Variants in SERGEF observed in about 807,000 individuals in gnomAD.
SERGEF encodes the protein secretion-regulating guanine nucleotide exchange factor.
SERGEF carries 51 observed loss-of-function variants against 50.0 expected under a neutral mutation model. The ratio of observed to expected loss-of-function variants is 1.02; its 90% CI spans 0.81 to 1.29. The LOEUF (loss-of-function observed/expected upper bound fraction) is 1.29, where lower values mean the gene tolerates loss of function less well. Among genes scored for constraint, SERGEF ranks in the 50% most tolerant of loss-of-function variants. The probability of loss-of-function intolerance (pLI) is 0.00; values close to 1 mark genes in which losing one functional copy is unlikely to be tolerated. For synonymous variants in SERGEF, 205 were observed against 212.4 expected (o/e 0.97, Z 0.30); for missense variants, 521 against 557.0 (o/e 0.94, Z 0.65).
At chr11:17,839,350 T>C (rs1437014103) in intron 10 of SERGEF, among the ~76,000 whole-genome samples, 1 of 152,222 alleles carries the variant, frequency 6.6e-6, no homozygotes, top group Admixed American at 6.5e-5. Flanking sequence ...TTTAGGATTT[T>C]ATCCAACACA....
Position 17,844,376 on chromosome 11 carries a change from TAGA to T in SERGEF, c.1048+33829_1048+33831del, listed in dbSNP as rs1328714495. On this transcript the variant is annotated intron_variant, in intron 10 of 10. Transcript: ENST00000265965. ...AAGCTTGGAAAATAACAAATCAATT[TAGA>T]AGACTAAAATTATCCATGGATACAC... Among the ~76,000 whole-genome samples, 3 of 152,282 alleles carry T rather than the reference TAGA, an allele frequency of 2.0e-5. No individual in the cohort carries two copies. In the East Asian group the frequency reaches 5.8e-4, roughly 29 times the overall value.
intron 10 of SERGEF, among the ~76,000 whole-genome samples, chr11:17,851,203 G>A (rs554076237): frequency 2.6e-5 from 4 of 152,124 alleles, no homozygotes; most frequent in Non-Finnish European, 4.4e-5. Flanking sequence ...CCTGTGAGAC[G>A]GGTGCTATTA....
intron 4 of SERGEF, chr11:18,001,961 C>T (rs1424880612): frequency 1.5e-5 from 7 of 456,096 alleles, no homozygotes; most frequent in Non-Finnish European, 3.1e-5. Flanking sequence ...TGCCCAGGGC[C>T]TAAGCACCAA....
At chr11:17,883,187 G>T (rs1851368148) in intron 9 of SERGEF, among the ~76,000 whole-genome samples, 1 of 152,232 alleles carries the variant, frequency 6.6e-6, no homozygotes, top group Admixed American at 6.5e-5. Flanking sequence ...ATCAGTTCTT[G>T]CAAGGCCAGT....
intron 8 of SERGEF, among the ~76,000 whole-genome samples, chr11:17,967,880 T>C (rs541555885): frequency 1.3e-5 from 2 of 152,356 alleles, no homozygotes; most frequent in Admixed American, 6.5e-5. Context: ...CCTGCAATGC[T>C]GGTCAGCCTG....
chr11:17,939,592 C>T (rs1371666079), intron 9 of SERGEF: 1 of 152,232 alleles, frequency 6.6e-6, no homozygotes, highest in African/African-American at 2.4e-5. Context: ...CACCTCACTG[C>T]ATGAATACAG....
chr11:17,991,497 C>T lies in SERGEF; in HGVS notation c.685+1434G>A, dbSNP rs1479896075. On this transcript the variant is annotated intron_variant, in intron 7 of 10. Transcript: ENST00000265965. The surrounding 1 kb of genome is among the most constrained non-coding windows in gnomAD (Gnocchi z 4.9). ...TCCCTCATTGACTGTGGGGCACGAA[C>T]ACATCACTTCTCACCCTAAGGTCTC... Among the ~76,000 whole-genome samples the T allele has an allele frequency of 6.6e-6, 1 of 152,172 alleles. No individual in the cohort carries two copies. Among genetic ancestry groups the T allele is most frequent in the African/African-American group, 2.4e-5 (1 of 41,430 alleles).
At chr11:17,809,530 C>G (rs575152285) in intron 10 of SERGEF, among the ~76,000 whole-genome samples, 6 of 152,094 alleles carry the variant, frequency 3.9e-5, no homozygotes, top group Non-Finnish European at 7.3e-5. Context: ...TGCACTCACA[C>G]GATGCCAGGC....
intron 8 of SERGEF, among the ~76,000 whole-genome samples, chr11:17,983,093 T>C (rs964702646): frequency 1.3e-5 from 2 of 152,222 alleles, no homozygotes; most frequent in African/African-American, 2.4e-5. Context: ...AAGAACTCCC[T>C]GTATTTGTTC....
At chr11:17,901,893 T>C (rs1851754487) in intron 9 of SERGEF, among the ~76,000 whole-genome samples, 1 of 152,228 alleles carries the variant, frequency 6.6e-6, no homozygotes, top group Admixed American at 6.5e-5. Context: ...CAGGAGAACA[T>C]GTTACTTTTT....
chr11:17,857,870 CA>C (rs1380127781), intron 10 of SERGEF, among the ~76,000 whole-genome samples: 1 of 152,124 alleles, frequency 6.6e-6, no homozygotes, highest in Non-Finnish European at 1.5e-5. Flanking sequence ...TATTTCCTTC[CA>C]AAACCCTCTT....
chr11:17,915,209 C>G (rs1371317069), intron 9 of SERGEF, among the ~76,000 whole-genome samples: 1 of 152,182 alleles, frequency 6.6e-6, no homozygotes, highest in Non-Finnish European at 1.5e-5. Context: ...CTGTATCCCC[C>G]ATAATGCCCA....
chr11:17,879,738 C>A (rs1008270947), intron 9 of SERGEF, among the ~76,000 whole-genome samples: 5 of 152,066 alleles, frequency 3.3e-5, no homozygotes, highest in African/African-American at 4.8e-5. Flanking sequence ...TTTCTCACCA[C>A]AAAAATGACA....
chr11:17,880,679 A>G (rs1311014582), intron 9 of SERGEF, among the ~76,000 whole-genome samples: 1 of 152,188 alleles, frequency 6.6e-6, no homozygotes, highest in Non-Finnish European at 1.5e-5. Context: ...ACTAGAAAAA[A>G]TAAGTGTAAT....
At chr11:17,951,703 C>T (rs1388840430) in intron 9 of SERGEF, among the ~76,000 whole-genome samples, 1 of 152,158 alleles carries the variant, frequency 6.6e-6, no homozygotes, top group East Asian at 1.9e-4. Context: ...GTGTTCAGGG[C>T]TAGCAATGAG....
chr11:17,854,734 T>A (rs901046185), intron 10 of SERGEF: 2 of 152,228 alleles, frequency 1.3e-5, no homozygotes, highest in Admixed American at 6.5e-5. Context: ...ACTGACACAC[T>A]CTGTCTTTGA....
rs1852944968 is a variant in SERGEF, at chr11:17,959,421, A to T, written c.1011+49T>A. On this transcript the variant is annotated intron_variant, in intron 9 of 10. Transcript: ENST00000265965. ...TAGGCCCTCAGTAAATGATTCACTGAAAGACAAGAAAAAGGGACAGATTAC... is the reference window on the plus strand; with the variant it reads ...TAGGCCCTCAGTAAATGATTCACTGTAAGACAAGAAAAAGGGACAGATTAC... The T allele has an allele frequency of 1.9e-6, 3 of 1,558,860 alleles. No individual in the cohort carries two copies. In the East Asian group the frequency reaches 6.7e-5, roughly 35 times the overall value.
chr11:17,949,762 G>C (rs1590213965), intron 9 of SERGEF, among the ~76,000 whole-genome samples: 1 of 152,286 alleles, frequency 6.6e-6, no homozygotes, highest in East Asian at 1.9e-4. Flanking sequence ...AAGTGCTTCA[G>C]GGACAGCTGC....
chr11:17,806,944 GCCCCCACCTCC>G (rs1482721099), intron 10 of SERGEF, among the ~76,000 whole-genome samples: 1 of 151,810 alleles, frequency 6.6e-6, no homozygotes, highest in Non-Finnish European at 1.5e-5. Flanking sequence ...TGTTCATGCT[GCCCCCACCTCC>G]CCTTACTTCT....
Sources: gnomAD v4.1 joint callset for allele counts (sites outside exome capture counted in the v4.1 genomes callset) on GRCh38, gnomAD v4.1.1 for gene constraint, Gnocchi (gnomAD v3.1) non-coding constraint, MANE v1.5 for transcripts, NCBI Gene and HGNC (gene_info 2026-07-23, HGNC 2026-07-21) for gene names.